Variants in CPSF7 observed in about 807,000 individuals in gnomAD.
CPSF7 encodes cleavage and polyadenylation specific factor 7.
Under a neutral mutation model 44.3 loss-of-function variants are expected in CPSF7, and 1 was observed. The ratio of observed to expected loss-of-function variants is 0.02; its 90% confidence interval spans 0.01 to 0.11. The LOEUF is 0.11. Among genes scored for constraint, CPSF7 ranks in the 10% least tolerant of loss-of-function variants. CPSF7 has a pLI of 1.00. For synonymous variants in CPSF7, 202 were observed against 222.0 expected, an observed-to-expected ratio of 0.91 and a Z score of 0.80; for missense variants, 443 against 607.2, an observed-to-expected ratio of 0.73 and a Z score of 2.84.
rs147011606 is a variant in CPSF7, at chr11:61,419,747, C to T, written c.523+202G>A. Among the ~76,000 whole-genome samples the T allele has an allele frequency of 1.2e-4, 18 of 152,270 alleles. No individual in the cohort carries two copies. The East Asian group carries it at 2.3e-3, about 20-fold the overall frequency. ...ACTACAACCTGAACCTACTTGACTC[C>T]CAGCACAATGCTCTTTCTTCTATAT... On this transcript the variant is annotated intron_variant, in intron 5 of 9. Coordinates refer to ENST00000439958, the MANE Select transcript of CPSF7 (RefSeq NM_001142565.3).
intron 2 of CPSF7, among the ~76,000 whole-genome samples, chr11:61,424,772 G>A (rs1232069620): frequency 6.6e-6 from 1 of 152,064 alleles, no homozygotes; most frequent in Non-Finnish European, 1.5e-5. Context: ...TTTAAATCAA[G>A]GATTTTCAAA....
chr11:61,421,134 G>A (rs1053216151), intron 3 of CPSF7: 1 of 1,428,094 alleles, frequency 7.0e-7, no homozygotes. Context: ...GACCCTGCTA[G>A]ACATAAAGCC....
At chr11:61,413,007 A>T (rs11230690) in intron 7 of CPSF7, among the ~76,000 whole-genome samples, 18,551 of 152,166 alleles carry the variant, frequency 0.12, 3,438 homozygotes, top group African/African-American at 0.4. Context: ...CAGGCTGAAG[A>T]GCAGTGGTAT....
intron 9 of CPSF7, 114 bp downstream of exon 9, chr11:61,410,824 A>T: frequency 9.2e-7 from 1 of 1,092,542 alleles, no homozygotes. Flanking sequence ...GTAAATCAGA[A>T]GTTCCCCCTA....
intron 1 of CPSF7, chr11:61,429,533 T>C (rs767839310): frequency 1.8e-6 from 1 of 561,940 alleles, no homozygotes; most frequent in Non-Finnish European, 3.0e-6. Flanking sequence ...CAGCTGCCTA[T>C]GGCGCGACGG....
At chr11:61,429,512 C>T (rs1026044716) in intron 1 of CPSF7, 1 of 539,322 alleles carries the variant, frequency 1.9e-6, no homozygotes, top group Non-Finnish European at 3.2e-6. Context: ...GGTAGCGCCG[C>T]GTCTGCGCCG....
At chr11:61,424,815 C>G (rs941624081) in intron 2 of CPSF7, among the ~76,000 whole-genome samples, 1 of 152,208 alleles carries the variant, frequency 6.6e-6, no homozygotes, top group Non-Finnish European at 1.5e-5. Flanking sequence ...AACACATCAT[C>G]TTGGATAATC....
At chr11:61,406,683 C>T (rs767176027) in intron 9 of CPSF7, among the ~76,000 whole-genome samples, 2 of 152,206 alleles carry the variant, frequency 1.3e-5, no homozygotes, top group African/African-American at 2.4e-5. Flanking sequence ...ACAGCATTTT[C>T]AAAGTTACCA....
rs749745722 is a variant in CPSF7 at position 61,415,776 on chromosome 11, G to A, written c.947C>T (p.Ser316Leu). The change falls in exon 7 of 10, where the codon TCG becomes TTG. Residue 316 changes from serine to leucine, a missense_variant. Transcript: ENST00000439958. ...APYNHHGSRD[S>L]GPPPSTVSEA... is the part of the protein sequence containing the mutation. Reference sequence around the variant, plus strand: ...ACTCACTGTAGAGGGTGGAGGGCCCGAATCTCGGCTGTACAGAGAAAATAC... The same window carrying A: ...ACTCACTGTAGAGGGTGGAGGGCCCAAATCTCGGCTGTACAGAGAAAATAC... 6.2e-6 allele frequency: 10 copies of A among 1,606,628 alleles called. No individual in the cohort carries two copies. The highest frequency in any genetic ancestry group is 5.3e-5 in the African/African-American group (4 of 74,836).
Position 61,416,092 on chromosome 11 carries a change from C to A in CPSF7, c.938+13G>T. 6.7e-7 allele frequency: 1 copy of A among 1,497,800 alleles called. No individual in the cohort carries two copies. The highest frequency in any genetic ancestry group is 1.4e-5 in the African/African-American group (1 of 71,272). 92.8% of individuals were successfully genotyped at this position (1,497,800 alleles called of 1,614,324 possible). On this transcript the variant is annotated intron_variant, in intron 6 of 9. Coordinates refer to ENST00000439958, the MANE Select transcript of CPSF7 (RefSeq NM_001142565.3). ...TACCCTGGCTCAAATCTGAAAGGAA[C>A]AATAGTCCTTACCTGCCATGGTGGT...
intron 4 of CPSF7, 112 bp downstream of exon 4, chr11:61,420,358 C>A: frequency 2.1e-6 from 2 of 973,796 alleles, no homozygotes; most frequent in South Asian, 3.1e-5. Context: ...AAAACCAAGG[C>A]AGTAAGCTGG....
At chr11:61,423,698 C>T (rs1176541461) in intron 2 of CPSF7, among the ~76,000 whole-genome samples, 1 of 152,102 alleles carries the variant, frequency 6.6e-6, no homozygotes, top group East Asian at 1.9e-4. Flanking sequence ...AACAGTTTCT[C>T]CAAGGCAACT....
At position 61,420,000 on chromosome 11, in the gene CPSF7, T is replaced by C. The variant is rs764427271; in HGVS notation, c.472A>G (p.Arg158Gly). The change falls in exon 5 of 10, where the codon AGG becomes GGG. Residue 158 changes from arginine to glycine, a missense_variant. Transcript: ENST00000439958. ...KVLNGEKVDV[R>G]PATRQNLSQF... is the part of the protein sequence containing the mutation. ...GACAGGTTCTGCCGGGTGGCCGGCC[T>C]CACGTCCACTTTTTCTCCATTAAGA... 2.5e-6 allele frequency: 4 copies of C among 1,614,186 alleles called. No individual in the cohort carries two copies. The highest frequency in any genetic ancestry group is 3.4e-6 in the Non-Finnish European group (4 of 1,180,026).
intron 5 of CPSF7, 57 bp downstream of exon 5, chr11:61,419,890 ACC>A: frequency 6.5e-7 from 1 of 1,531,616 alleles, no homozygotes; most frequent in Non-Finnish European, 8.8e-7. Flanking sequence ...ACCCACAAAC[ACC>A]CCCCCCTCAT....
At chr11:61,419,451 G>C (rs541518959) in intron 5 of CPSF7, among the ~76,000 whole-genome samples, 1 of 152,276 alleles carries the variant, frequency 6.6e-6, no homozygotes, top group East Asian at 1.9e-4. Context: ...CACTCCTCTT[G>C]GTTGATTCCT....
At position 61,403,914 on chromosome 11, in the gene CPSF7, A is replaced by C. The variant is rs1244509269; in HGVS notation, c.*796T>G. ...GCCCCAGGGAAAGGGAACAACTAAG[A>C]GCTGGTTATTGCAAGAGGTACCCAA... On this transcript the variant is annotated 3_prime_UTR_variant, in exon 10 of 10. Transcript: ENST00000439958. 3 of 152,620 alleles carry C rather than the reference A, an allele frequency of 2.0e-5. No individual in the cohort carries two copies. The highest frequency in any genetic ancestry group is 4.4e-5 in the Non-Finnish European group (3 of 68,044). 9.5% of individuals were successfully genotyped at this position (152,620 alleles called of 1,614,324 possible).
chr11:61,408,480 A>G (rs921429787), intron 9 of CPSF7, among the ~76,000 whole-genome samples: 2 of 152,188 alleles, frequency 1.3e-5, no homozygotes, highest in Non-Finnish European at 1.5e-5. Context: ...ATCTGCAACC[A>G]CAAAATTAAG....
At chr11:61,418,820 G>C (rs1860585963) in intron 5 of CPSF7, among the ~76,000 whole-genome samples, 1 of 151,970 alleles carries the variant, frequency 6.6e-6, no homozygotes, top group Non-Finnish European at 1.5e-5. Context: ...CTGGATTCAA[G>C]AGATTCACCT....
intron 3 of CPSF7, 31 bp downstream of exon 3, chr11:61,421,359 C>G (rs760530462): frequency 1.3e-6 from 2 of 1,585,674 alleles, no homozygotes; most frequent in Non-Finnish European, 1.7e-6. Context: ...CTCCAGCCCA[C>G]CCCTAAGCAT....
Sources: allele counts gnomAD v4.1 joint callset (sites outside exome capture counted in the v4.1 genomes callset), GRCh38; gene constraint gnomAD v4.1.1; transcripts MANE v1.5; gene names NCBI Gene and HGNC (gene_info 2026-07-23, HGNC 2026-07-21).